CYP4F22: variants seen among roughly 807,000 people sequenced by gnomAD.
The protein encoded by CYP4F22 is ultra-long-chain fatty acid omega-hydroxylase.
A neutral mutation model predicts 60.4 loss-of-function variants in CYP4F22; 37 were observed. The ratio of observed to expected loss-of-function variants is 0.61; its 90% confidence interval spans 0.47 to 0.81. The LOEUF is 0.81. Among genes scored for constraint, CYP4F22 ranks in the 30% least tolerant of loss-of-function variants. CYP4F22 has a pLI of 0.00. For synonymous variants in CYP4F22, 258 were observed against 280.5 expected (o/e 0.92, Z 0.80); for missense variants, 655 against 715.0 (o/e 0.92, Z 0.96).
At position 15,537,785 on chromosome 19, in the gene CYP4F22, C is replaced by T. The variant is rs573750979; in HGVS notation, c.550-87C>T. 7.5e-6 allele frequency: 12 copies of T among 1,609,872 alleles called. No homozygotes were observed. In the African/African-American group the frequency reaches 9.3e-5, roughly 13 times the overall value. On this transcript the variant is annotated intron_variant, in intron 6 of 13. Transcript: ENST00000269703. ...TCACTGACTTTATCTATAAAATGAG[C>T]TTGTAGTGAAAACGCAGTCGGGTCC...
At position 15,537,923 on chromosome 19, in the gene CYP4F22, G is replaced by C; in HGVS notation, c.601G>C (p.Glu201Gln). 2 of 1,614,174 alleles carry C rather than the reference G, an allele frequency of 1.2e-6. No homozygotes were observed. The highest frequency in any genetic ancestry group is 1.7e-6 in the Non-Finnish European group (2 of 1,180,040). The change falls in exon 7 of 14, where the codon GAG (glutamate) becomes CAG (glutamine). Residue 201 changes from glutamate to glutamine, a missense_variant. Around this residue, in one of 3 missense-constraint regions of CYP4F22, gnomAD observed 430 missense variants for 457.1 expected, o/e 0.94. Coordinates refer to ENST00000269703, the MANE Select transcript of CYP4F22 (RefSeq NM_173483.4). ...CTCAGCGGTCTCCCTTGATATGTTT[G>C]AGCATATCAGCCTCATGACCCTGGA... ...EGSAVSLDMFEHISLMTLDSL... is the reference protein window; with the variant it reads ...EGSAVSLDMFQHISLMTLDSL...
At chr19:15,530,353 T>C (rs1971329637) in intron 4 of CYP4F22, among the ~76,000 whole-genome samples, 1 of 152,180 alleles carries the variant, frequency 6.6e-6, no homozygotes, top group South Asian at 2.1e-4. Context: ...GGCAAGCTCT[T>C]GCTCAGCCTT....
Position 15,544,141 on chromosome 19 carries a change from TC to T in CYP4F22, c.1007-6del. Reference sequence around the variant, plus strand: ...CAGCCTCCATTCAGATACCCTCATCTCCCTGCAGGTCACGACACAACATCCA... The same window carrying T: ...CAGCCTCCATTCAGATACCCTCATCTCCTGCAGGTCACGACACAACATCCA... On this transcript the variant is annotated splice_region_variant and splice_polypyrimidine_tract_variant and intron_variant, in intron 9 of 13. Transcript: ENST00000269703. 1 of 1,614,160 alleles carries T rather than the reference TC, an allele frequency of 6.2e-7. No homozygotes were observed. Among genetic ancestry groups the T allele is most frequent in the East Asian group, 2.2e-5 (1 of 44,884 alleles).
intron 4 of CYP4F22, among the ~76,000 whole-genome samples, chr19:15,531,267 C>T (rs768701315): frequency 6.6e-6 from 1 of 151,864 alleles, no homozygotes. Flanking sequence ...GCAGTCCCAG[C>T]TACTCAGGAG....
In CYP4F22 at chr19:15,545,582, G is replaced by A. The variant is rs189361250; in HGVS notation, c.1136+1303G>A. 6.4e-3 allele frequency among the ~76,000 whole-genome samples: 948 copies of A among 148,436 alleles called. 7 individuals carry two copies. Among genetic ancestry groups the A allele is most frequent in the Middle Eastern group, 0.028 (8 of 286 alleles). On this transcript the variant is annotated intron_variant, in intron 10 of 13. Coordinates refer to ENST00000269703, the MANE Select transcript of CYP4F22 (RefSeq NM_173483.4). Reference sequence around the variant, plus strand: ...GAGGACTGCTTGAACCCAGGAGGTGGAGGCTGTGGTGAGTCAAGATTACGC... The same window carrying A: ...GAGGACTGCTTGAACCCAGGAGGTGAAGGCTGTGGTGAGTCAAGATTACGC...
intron 4 of CYP4F22, among the ~76,000 whole-genome samples, chr19:15,532,168 AAT>A (rs1372296681): frequency 2.0e-5 from 3 of 151,516 alleles, no homozygotes; most frequent in Non-Finnish European, 4.4e-5. Context: ...CTGCCTTTTT[AAT>A]ATATGTTTTT....
rs773039546 is a variant in CYP4F22 at position 15,540,734 on chromosome 19, TG to T, written c.939+19del. 65 of 1,470,392 alleles carry T rather than the reference TG, an allele frequency of 4.4e-5. No individual in the cohort carries two copies. The highest frequency in any genetic ancestry group is 5.7e-5 in the Non-Finnish European group (64 of 1,115,474). The allele number at this position is 1,470,392 out of a possible 1,614,324, so 91.1% of individuals were successfully genotyped here. On this transcript the variant is annotated intron_variant, in intron 8 of 13. Transcript: ENST00000269703. Reference sequence around the variant, plus strand: ...CTGGCCAGGGTGAGGCTGGGCCCCCTGGAATTGCTGGCCTCCCGAGGGCTGG... The same window carrying T: ...CTGGCCAGGGTGAGGCTGGGCCCCCTGAATTGCTGGCCTCCCGAGGGCTGG...
Position 15,537,411 on chromosome 19 carries a change from C to T in CYP4F22, c.418C>T (p.Leu140=). The T allele has an allele frequency of 6.2e-7, 1 of 1,614,166 alleles. No individual in the cohort carries two copies. The highest frequency in any genetic ancestry group is 1.1e-5 in the South Asian group (1 of 91,090). ...CTTCTATGGCTTCCTAAAACCTTGGCTAGGTGAGTGCCCAGTGGGTAGGCT... is the reference window on the plus strand; with the variant it reads ...CTTCTATGGCTTCCTAAAACCTTGGTTAGGTGAGTGCCCAGTGGGTAGGCT... The part of the protein sequence containing the change: ...DLFYGFLKPW[L]GDGLLLSKGD... Residue 140 remains leucine (L), a synonymous_variant, in exon 5 of 14, where the codon CTA becomes TTA. Transcript: ENST00000269703.
chr19:15,533,887 G>T (rs2144523491), intron 4 of CYP4F22, among the ~76,000 whole-genome samples: 1 of 152,030 alleles, frequency 6.6e-6, no homozygotes, highest in South Asian at 2.1e-4. Flanking sequence ...TTTGGATGTT[G>T]TGAATCATGC....
intron 10 of CYP4F22, among the ~76,000 whole-genome samples, chr19:15,547,018 G>GTTTTTTTATTTTTTT (rs1971533950): frequency 1.2e-5 from 1 of 82,330 alleles, no homozygotes; most frequent in African/African-American, 5.7e-5. Context: ...GCCTGCACCA[G>GTTTTTTTATTTTTTT]TTTTTTTTTT....
At chr19:15,536,361 A>C (rs116378911) in intron 4 of CYP4F22, among the ~76,000 whole-genome samples, 2,017 of 152,256 alleles carry the variant, frequency 0.013, 47 homozygotes, top group African/African-American at 0.044. Context: ...ACAAAAAGTT[A>C]TGTGGTGTTA....
intron 1 of CYP4F22, among the ~76,000 whole-genome samples, chr19:15,510,459 G>A (rs2144490546): frequency 6.6e-6 from 1 of 152,290 alleles, no homozygotes; most frequent in East Asian, 1.9e-4. Context: ...CTGTCTTAAT[G>A]GATGAAGAAA....
intron 4 of CYP4F22, among the ~76,000 whole-genome samples, chr19:15,530,220 A>G (rs923882482): frequency 2.0e-5 from 3 of 152,190 alleles, no homozygotes; most frequent in Admixed American, 6.5e-5. Context: ...TTGGTGACTC[A>G]GCCTGCAGCC....
At chr19:15,545,416 G>A (rs979096741) in intron 10 of CYP4F22, among the ~76,000 whole-genome samples, 2 of 151,994 alleles carry the variant, frequency 1.3e-5, no homozygotes, top group South Asian at 2.1e-4. Context: ...GGGAGGCCGA[G>A]GGGGGTGGAT....
At chr19:15,529,975 A>G in intron 4 of CYP4F22, 122 bp downstream of exon 4, 1 of 1,407,406 alleles carries the variant, frequency 7.1e-7, no homozygotes, top group African/African-American at 1.4e-5. Flanking sequence ...AGGATGAATA[A>G]GAGTTTGGCA....
In CYP4F22 at chr19:15,550,681, A is replaced by G. The variant is rs368320642; in HGVS notation, c.1343A>G (p.Asn448Ser). ...CAGGCTGTTCCTCCCTAGGTGTACA[A>G]CCCCTACCGCTTTGACCCGGACAAC... is the stretch of plus-strand genomic sequence containing the variant. ...PTVWPDSKVY[N>S]PYRFDPDNPQ... is the part of the protein sequence containing the mutation. The change falls in exon 13 of 14, where the codon AAC becomes AGC. Residue 448 changes from asparagine (N) to serine (S), a missense_variant. This residue lies in a region of CYP4F22 where 151 missense variants were observed against 139.4 expected (regional missense o/e 1.08). Coordinates refer to ENST00000269703, the MANE Select transcript of CYP4F22 (RefSeq NM_173483.4). 1.2e-6 allele frequency: 2 copies of G among 1,613,812 alleles called. No homozygotes were observed. The highest frequency in any genetic ancestry group is 1.7e-6 in the Non-Finnish European group (2 of 1,179,992).
intron 4 of CYP4F22, among the ~76,000 whole-genome samples, chr19:15,532,656 A>G (rs1337234947): frequency 1.3e-5 from 2 of 151,458 alleles, no homozygotes; most frequent in African/African-American, 4.9e-5. Context: ...TGCTGGGATT[A>G]CAGGCGTGAG....
At chr19:15,518,231 G>A (rs1011608787) in intron 1 of CYP4F22, among the ~76,000 whole-genome samples, 1 of 152,006 alleles carries the variant, frequency 6.6e-6, no homozygotes, top group African/African-American at 2.4e-5. Flanking sequence ...CAGCTACTGG[G>A]GAAGCTGAGG....
chr19:15,545,935 G>C (rs1971521568), intron 10 of CYP4F22, among the ~76,000 whole-genome samples: 1 of 152,138 alleles, frequency 6.6e-6, no homozygotes. Context: ...TTTCACAGTG[G>C]TGTTTGTATG....
Sources: allele counts gnomAD v4.1 joint callset (sites outside exome capture counted in the v4.1 genomes callset), GRCh38; gene constraint gnomAD v4.1.1; regional missense constraint gnomAD v4.1.1; transcripts MANE v1.5; gene names NCBI Gene and HGNC (gene_info 2026-07-23, HGNC 2026-07-21).